Variants in SAMD9 observed in about 807,000 individuals in gnomAD.
SAMD9 encodes the protein sterile alpha motif domain-containing protein 9.
In SAMD9, 3 loss-of-function variants were observed where a neutral mutation model predicts 1.5. The observed-to-expected ratio is 2.05, with a 90% CI of 0.93 to 5.29. The LOEUF is 5.29. SAMD9 is among the 30% of genes most tolerant of loss of function. The pLI is 0.02. For missense variants in SAMD9, 1,597 were observed against 1,820.8 expected (o/e 0.88, Z 2.24); for synonymous variants, 635 against 631.9 (o/e 1.00, Z -0.07).
At chr7:93,110,751 G>A (rs1791727684) in intron 2 of SAMD9, among the ~76,000 whole-genome samples, 1 of 152,178 alleles carries the variant, frequency 6.6e-6, no homozygotes, top group Non-Finnish European at 1.5e-5. Context: ...AACAAGAAGA[G>A]CTAACTCTCC....
chr7:93,115,664 G>A (rs759887912), intron 1 of SAMD9, among the ~76,000 whole-genome samples: 3 of 152,074 alleles, frequency 2.0e-5, no homozygotes, highest in Non-Finnish European at 4.4e-5. Flanking sequence ...AAGTTATACT[G>A]TATTTAAAAA....
At position 93,103,420 on chromosome 7, in the gene SAMD9, T is replaced by C. The variant is rs767522783; in HGVS notation, c.2678A>G (p.Asn893Ser). Residue 893 changes from asparagine to serine, a missense_variant, in exon 3 of 3, where the codon AAT (asparagine) becomes AGT (serine). Coordinates refer to ENST00000379958, the MANE Select transcript of SAMD9 (RefSeq NM_017654.4). ...YSFMIMKTNF[N>S]KEYIENVVRN... Reference sequence around the variant, plus strand: ...GACCACATTTTCTATGTATTCTTTATTAAAATTGGTTTTCATGATCATAAA... The same window carrying C: ...GACCACATTTTCTATGTATTCTTTACTAAAATTGGTTTTCATGATCATAAA... 6.8e-6 allele frequency: 11 copies of C among 1,613,402 alleles called. No individual in the cohort carries two copies. The East Asian group carries it at 2.0e-4, about 29-fold the overall frequency.
At position 93,102,348 on chromosome 7, in the gene SAMD9, G is replaced by A; in HGVS notation, c.3750C>T (p.Leu1250=). The A allele has an allele frequency of 6.2e-7, 1 of 1,608,200 alleles. No homozygotes were observed. The highest frequency in any genetic ancestry group is 8.5e-7 in the Non-Finnish European group (1 of 1,175,276). ...GDPNNEYKLA[L]KNYIPYLTKL... ...TAGTTAAATAAGGAATATAGTTTTT[G>A]AGGGCTAATTTATATTCATTGTTTG... is the stretch of plus-strand genomic sequence containing the variant. Residue 1250 remains leucine (L), a synonymous_variant, in exon 3 of 3, where the codon CTC becomes CTT. Transcript: ENST00000379958.
chr7:93,110,916 C>A (rs565426724), intron 2 of SAMD9, among the ~76,000 whole-genome samples: 1 of 152,036 alleles, frequency 6.6e-6, no homozygotes, highest in Non-Finnish European at 1.5e-5. Context: ...AAGTTAACAA[C>A]GATATCCAGG....
At chr7:93,106,899 A>G (rs1486233132) in intron 2 of SAMD9, among the ~76,000 whole-genome samples, 2 of 152,196 alleles carry the variant, frequency 1.3e-5, no homozygotes, top group South Asian at 2.1e-4. Flanking sequence ...AAAATTGTAC[A>G]ATCAGTGGAG....
chr7:93,108,699 AC>A (rs1394517838), intron 2 of SAMD9, among the ~76,000 whole-genome samples: 4 of 152,176 alleles, frequency 2.6e-5, no homozygotes, highest in Admixed American at 6.5e-5. Flanking sequence ...AGCCTCACTC[AC>A]TGCTAGCACA....
Position 93,106,016 on chromosome 7 carries a change from T to G in SAMD9, c.82A>C (p.Ile28Leu), listed in dbSNP as rs143734187. 1.3e-6 allele frequency: 2 copies of G among 1,594,942 alleles called. No individual in the cohort carries two copies. Among genetic ancestry groups the G allele is most frequent in the African/African-American group, 2.7e-5 (2 of 73,590 alleles). Residue 28 changes from isoleucine (I) to leucine (L), a missense_variant, in exon 3 of 3, where the codon ATT becomes CTT. Ile to Leu is a conservative substitution (Grantham distance 5). Coordinates refer to ENST00000379958, the MANE Select transcript of SAMD9 (RefSeq NM_017654.4). The stretch of plus-strand genomic sequence containing the variant: ...AAAATTTCCCTGTGTTTTTGGTCAA[T>G]CTTATGACTTTCTAACCACTGATTT... ...DVNQWLESHKIDQKHREILTE... is the reference protein window; with the variant it reads ...DVNQWLESHKLDQKHREILTE...
intron 2 of SAMD9, among the ~76,000 whole-genome samples, chr7:93,112,127 A>C (rs552225642): frequency 2.0e-5 from 3 of 152,316 alleles, no homozygotes; most frequent in African/African-American, 2.4e-5. Flanking sequence ...GGGCTTCATC[A>C]CTGGGATGCA....
At chr7:93,106,290 A>G (rs1791643582) in intron 2 of SAMD9, among the ~76,000 whole-genome samples, 185 bp from the exon 3 acceptor site, 1 of 152,232 alleles carries the variant, frequency 6.6e-6, no homozygotes, top group Non-Finnish European at 1.5e-5. Flanking sequence ...AAAGAATACC[A>G]AATACAAACA....
Position 93,105,013 on chromosome 7 carries a change from A to C in SAMD9, c.1085T>G (p.Phe362Cys). Residue 362 changes from phenylalanine to cysteine, a missense_variant, in exon 3 of 3, where the codon TTT (phenylalanine) becomes TGT (cysteine). Coordinates refer to ENST00000379958, the MANE Select transcript of SAMD9 (RefSeq NM_017654.4). ...ITKNKVDFRAFKADFKTLAES... is the reference protein window; with the variant it reads ...ITKNKVDFRACKADFKTLAES... ...TGCCAGTGTTTTAAAATCTGCTTTA[A>C]ATGCTCTGAAATCAACTTTATTTTT... is the stretch of plus-strand genomic sequence containing the variant. 6.2e-7 allele frequency: 1 copy of C among 1,613,744 alleles called. No individual in the cohort carries two copies. Among genetic ancestry groups the C allele is most frequent in the Non-Finnish European group, 8.5e-7 (1 of 1,179,914 alleles).
intron 2 of SAMD9, among the ~76,000 whole-genome samples, chr7:93,111,740 C>T (rs1584258951): frequency 6.6e-6 from 1 of 152,318 alleles, no homozygotes; most frequent in African/African-American, 2.4e-5. Flanking sequence ...CACATACACC[C>T]TCCCAAGACT....
intron 1 of SAMD9, among the ~76,000 whole-genome samples, chr7:93,116,496 T>C (rs1349389569): frequency 6.6e-6 from 1 of 152,230 alleles, no homozygotes; most frequent in Non-Finnish European, 1.5e-5. Context: ...AGATTATTGA[T>C]AGCTGTGCCT....
chr7:93,106,496 AAAG>A (rs201373413), intron 2 of SAMD9, among the ~76,000 whole-genome samples: 2,019 of 152,318 alleles, frequency 0.013, 23 homozygotes, highest in East Asian at 0.027. Flanking sequence ...ATAAGAGAAA[AAAG>A]AAGGATATTT....
intron 1 of SAMD9, among the ~76,000 whole-genome samples, chr7:93,115,988 C>G (rs1244326076): frequency 6.6e-6 from 1 of 152,192 alleles, no homozygotes; most frequent in South Asian, 2.1e-4. Flanking sequence ...CTACTCCACC[C>G]TATGAAAGTA....
At chr7:93,109,500 A>G (rs1031015721) in intron 2 of SAMD9, among the ~76,000 whole-genome samples, 1 of 152,226 alleles carries the variant, frequency 6.6e-6, no homozygotes, top group African/African-American at 2.4e-5. Context: ...TGGTAATAAC[A>G]AACTTCTCTG....
Position 93,106,954 on chromosome 7 carries a change from C to A in SAMD9, c.-8-849G>T, listed in dbSNP as rs1791656980. On this transcript the variant is annotated intron_variant, in intron 2 of 2. Transcript: ENST00000379958. ...GGAAGAGAGAAGATATATTAACTTG[C>A]ACAACTCAGGTAATGAGATCCTTCT... Among the ~76,000 whole-genome samples, 3 of 152,138 alleles carry A rather than the reference C, an allele frequency of 2.0e-5. No individual in the cohort carries two copies. The South Asian group carries it at 6.2e-4, about 31-fold the overall frequency.
rs145272929 is a variant in SAMD9, at chr7:93,105,399, G to A, written c.699C>T (p.Gly233=). The A allele has an allele frequency of 5.6e-6, 9 of 1,613,904 alleles. No homozygotes were observed. Among genetic ancestry groups the A allele is most frequent in the Non-Finnish European group, 7.6e-6 (9 of 1,179,992 alleles). Residue 233 remains glycine, a synonymous_variant, in exon 3 of 3, where the codon GGC becomes GGT. Coordinates refer to ENST00000379958, the MANE Select transcript of SAMD9 (RefSeq NM_017654.4). ...ASACMNSRTN[G]TIHFGVKDKP... is the part of the protein sequence containing the mutation. ...TGTCTTTGACTCCAAAATGAATAGT[G>A]CCATTGGTACGTGAATTCATACAAG...
At position 93,103,476 on chromosome 7, in the gene SAMD9, T is replaced by C. The variant is rs746408538; in HGVS notation, c.2622A>G (p.Glu874=). The change falls in exon 3 of 3, where the codon GAA becomes GAG. Residue 874 remains glutamate (E), a synonymous_variant. Coordinates refer to ENST00000379958, the MANE Select transcript of SAMD9 (RefSeq NM_017654.4). ...AFELKLKEIK[E]QHKNFEDFYS... is the part of the protein sequence containing the mutation. ...AAAAATCCTCAAAGTTTTTATGCTGTTCTTTGATTTCTTTCAATTTAAGCT... is the reference window on the plus strand; with the variant it reads ...AAAAATCCTCAAAGTTTTTATGCTGCTCTTTGATTTCTTTCAATTTAAGCT... 19 of 1,613,192 alleles carry C rather than the reference T, an allele frequency of 1.2e-5. No individual in the cohort carries two copies. In the South Asian group the frequency reaches 1.6e-4, roughly 14 times the overall value.
Position 93,103,733 on chromosome 7 carries a change from G to A in SAMD9, c.2365C>T (p.Gln789Ter), listed in dbSNP as rs1424651375. The A allele has an allele frequency of 6.2e-7, 1 of 1,613,842 alleles. No homozygotes were observed. The highest frequency in any genetic ancestry group is 2.2e-5 in the East Asian group (1 of 44,870). ...SLITYGAMNRQEYVPVLLLVD... is the reference protein window; with the variant it reads ...SLITYGAMNR ...AGGAGTAGTACAGGTACGTATTCCT[G>A]ACGGTTCATTGCCCCATAGGTGATT... The change falls in exon 3 of 3, where the codon CAG becomes TAG. Residue 789 changes from glutamine to a stop codon, truncating the protein, a stop_gained. Transcript: ENST00000379958. LOFTEE classifies it low-confidence loss of function (END_TRUNC).
Sources: allele counts gnomAD v4.1 joint callset (sites outside exome capture counted in the v4.1 genomes callset), GRCh38; gene constraint gnomAD v4.1.1; transcripts MANE v1.5; gene names NCBI Gene and HGNC (gene_info 2026-07-23, HGNC 2026-07-21).